The following RBMS3 variants were observed in gnomAD, a reference collection of about 807,000 sequenced individuals.
RBMS3 encodes RNA-binding motif, single-stranded-interacting protein 3.
In RBMS3, 27 loss-of-function variants were observed where a neutral mutation model predicts 66.8. That is an observed-to-expected ratio of 0.40 (90% CI 0.30 to 0.56). RBMS3 has a LOEUF of 0.56. Ranked by LOEUF, RBMS3 falls within the 20% of genes least tolerant of loss-of-function variation. The pLI is 0.40. For synonymous variants in RBMS3, 188 were observed against 183.0 expected, an observed-to-expected ratio of 1.03 and a Z score of -0.22; for missense variants, 513 against 549.5, an observed-to-expected ratio of 0.93 and a Z score of 0.66.
intron 3 of RBMS3, 36 bp downstream of exon 3, chr3:29,488,535 C>A: frequency 6.4e-7 from 1 of 1,557,394 alleles, no homozygotes; most frequent in Non-Finnish European, 8.8e-7. Context: ...GAAATCTTGC[C>A]TATGCTATCT....
At chr3:29,480,373 T>G (rs960956770) in intron 2 of RBMS3, among the ~76,000 whole-genome samples, 2 of 151,962 alleles carry the variant, frequency 1.3e-5, no homozygotes, top group African/African-American at 4.8e-5. Flanking sequence ...GCACCAAAAC[T>G]CAACTGGACT....
rs1475814980 is a variant in RBMS3 at position 29,281,120 on chromosome 3, T to TG, written c.-562_-561insG. The stretch of plus-strand genomic sequence containing the variant: ...AGCAACTAAGCTGTACAAGGTTTTT[T>TG]TTTTTTTTTTTTCTTCCTTTTTTTC... On this transcript the variant is annotated 5_prime_UTR_variant, in exon 1 of 15. Transcript: ENST00000383767. The TG allele has an allele frequency of 8.2e-5, 12 of 145,696 alleles. No homozygotes were observed. The highest frequency in any genetic ancestry group is 2.1e-4 in the East Asian group (1 of 4,850). 9.0% of individuals were successfully genotyped at this position (145,696 alleles called of 1,614,324 possible). A position where few individuals can be genotyped will look rare whatever the true frequency, so the allele number is the denominator to read the frequency against.
intron 6 of RBMS3, among the ~76,000 whole-genome samples, chr3:29,779,336 G>C (rs1338086058): frequency 6.6e-6 from 1 of 151,322 alleles, no homozygotes; most frequent in African/African-American, 2.4e-5. Context: ...TAAAGCATAA[G>C]AGCTATGTCT....
chr3:29,673,798 A>T (rs2051110975), intron 4 of RBMS3, among the ~76,000 whole-genome samples: 1 of 152,186 alleles, frequency 6.6e-6, no homozygotes. Flanking sequence ...GACCAGACGG[A>T]TTCACAGCCG....
intron 1 of RBMS3, among the ~76,000 whole-genome samples, chr3:29,313,273 A>G (rs2034488254): frequency 1.3e-5 from 2 of 151,740 alleles, no homozygotes; most frequent in South Asian, 4.1e-4. Flanking sequence ...AACAAGAAAG[A>G]GGTAGGAAAC....
In RBMS3 at chr3:30,008,374, TTA is replaced by T. The variant is rs1284577618; in HGVS notation, c.*4516_*4517del. On this transcript the variant is annotated 3_prime_UTR_variant, in exon 15 of 15. Coordinates refer to ENST00000383767, the MANE Select transcript of RBMS3 (RefSeq NM_001003793.3). The stretch of plus-strand genomic sequence containing the variant: ...GTGGGTTTCACTAATAAATGTTTTT[TTA>T]TATGATTTGAAATCAAGTAAAGGGA... The T allele has an allele frequency of 1.3e-5, 2 of 152,162 alleles. No homozygotes were observed. The highest frequency in any genetic ancestry group is 4.8e-5 in the African/African-American group (2 of 41,468). 9.4% of individuals were successfully genotyped at this position (152,162 alleles called of 1,614,324 possible).
chr3:29,971,864 G>C (rs751142356), intron 12 of RBMS3, among the ~76,000 whole-genome samples: 23 of 151,882 alleles, frequency 1.5e-4, no homozygotes, highest in Admixed American at 5.3e-4. Flanking sequence ...GACAGGTTTT[G>C]GATTTGTGTT....
At chr3:29,849,864 G>A (rs888033599) in intron 6 of RBMS3, among the ~76,000 whole-genome samples, 8 of 152,172 alleles carry the variant, frequency 5.3e-5, no homozygotes, top group African/African-American at 1.9e-4. Context: ...TAAGGTTTTA[G>A]GAGTATCAGC....
At position 29,547,654 on chromosome 3, in the gene RBMS3, A is replaced by G. The variant is rs574494560; in HGVS notation, c.308-39460A>G. Among the ~76,000 whole-genome samples, 14 of 151,962 alleles carry G rather than the reference A, an allele frequency of 9.2e-5. No homozygotes were observed. In the South Asian group the frequency reaches 1.2e-3, roughly 14 times the overall value. ...ATTACATGCACAAATAGCTAAACAG[A>G]CTCCAAATGAAAATTTTTAAAAATA... On this transcript the variant is annotated intron_variant, in intron 3 of 14. Coordinates refer to ENST00000383767, the MANE Select transcript of RBMS3 (RefSeq NM_001003793.3).
chr3:29,844,989 A>C (rs941354510), intron 6 of RBMS3, among the ~76,000 whole-genome samples: 29 of 152,192 alleles, frequency 1.9e-4, no homozygotes, highest in African/African-American at 7.0e-4. Context: ...TAGAAATTGC[A>C]GCCTCTGAGG....
At chr3:29,999,316 G>T (rs1699458140) in intron 14 of RBMS3, among the ~76,000 whole-genome samples, 2 of 152,168 alleles carry the variant, frequency 1.3e-5, no homozygotes, top group African/African-American at 2.4e-5. Flanking sequence ...CTGTTGGTGG[G>T]ACTGTAAACT....
At chr3:29,686,671 T>C (rs1263955647) in intron 4 of RBMS3, among the ~76,000 whole-genome samples, 7 of 152,152 alleles carry the variant, frequency 4.6e-5, no homozygotes, top group Non-Finnish European at 8.8e-5. Flanking sequence ...AGAAAAACCC[T>C]GTCTGTAAAA....
Position 29,431,277 on chromosome 3 carries a change from GTTTC to G in RBMS3, c.76-3454_76-3451del, listed in dbSNP as rs78955518. On this transcript the variant is annotated intron_variant, in intron 1 of 14. Coordinates refer to ENST00000383767, the MANE Select transcript of RBMS3 (RefSeq NM_001003793.3). Reference sequence around the variant, plus strand: ...ATACTAAAGAATAGTTGAGAAAAATGTTTCTTTCTTTCTTTTTCCTTTTCTTTTT... The same window carrying G: ...ATACTAAAGAATAGTTGAGAAAAATGTTTCTTTCTTTTTCCTTTTCTTTTT... Among the ~76,000 whole-genome samples, 679 of 141,638 alleles carry G rather than the reference GTTTC, an allele frequency of 4.8e-3. 41 individuals are homozygous for G. Among genetic ancestry groups the G allele is most frequent in the Middle Eastern group, 7.2e-3 (2 of 276 alleles). The allele number at this position is 141,638 out of a possible 152,430, so 92.9% of individuals were successfully genotyped here.
At chr3:29,498,628 G>A (rs2043852608) in intron 3 of RBMS3, among the ~76,000 whole-genome samples, 1 of 152,048 alleles carries the variant, frequency 6.6e-6, no homozygotes, top group African/African-American at 2.4e-5. Context: ...CTTGGACAAG[G>A]CACATAACAT....
intron 2 of RBMS3, among the ~76,000 whole-genome samples, chr3:29,467,265 G>A (rs1054657376): frequency 8.5e-5 from 13 of 152,160 alleles, no homozygotes; most frequent in Non-Finnish European, 1.5e-4. Context: ...AGAGTCTCAT[G>A]TAAAGTTCAA....
intron 4 of RBMS3, among the ~76,000 whole-genome samples, chr3:29,588,877 A>T (rs901405839): frequency 6.6e-6 from 1 of 152,062 alleles, no homozygotes; most frequent in African/African-American, 2.4e-5. Context: ...AGTAACTTGA[A>T]TCTGGACTGA....
intron 3 of RBMS3, among the ~76,000 whole-genome samples, chr3:29,509,582 T>TTTATGC (rs2044320499): frequency 1.3e-5 from 2 of 152,158 alleles, no homozygotes; most frequent in Admixed American, 1.3e-4. Context: ...TCATCCCTCT[T>TTTATGC]TTATGCTGCC....
Position 29,366,328 on chromosome 3 carries a change from T to C in RBMS3, c.76-68415T>C, listed in dbSNP as rs533765019. ...TCTAGATTGATCAATTTGAGAACTA[T>C]AACATGAACTTAGAATCCTAAGGAA... On this transcript the variant is annotated intron_variant, in intron 1 of 14. Coordinates refer to ENST00000383767, the MANE Select transcript of RBMS3 (RefSeq NM_001003793.3). Among the ~76,000 whole-genome samples, 3 of 152,316 alleles carry C rather than the reference T, an allele frequency of 2.0e-5. No homozygotes were observed. The East Asian group carries it at 5.8e-4, about 29-fold the overall frequency.
intron 6 of RBMS3, among the ~76,000 whole-genome samples, chr3:29,868,250 A>AT (rs1214285562): frequency 6.6e-6 from 1 of 151,696 alleles, no homozygotes; most frequent in Admixed American, 6.6e-5. Context: ...CTTTGGCTAT[A>AT]TTTTTATCAT....
Sources: allele counts gnomAD v4.1 joint callset (sites outside exome capture counted in the v4.1 genomes callset), GRCh38; gene constraint gnomAD v4.1.1; transcripts MANE v1.5; gene names NCBI Gene and HGNC (gene_info 2026-07-23, HGNC 2026-07-21).